Variants in BPIFB2 observed in about 807,000 individuals in gnomAD.
BPIFB2 encodes BPI fold containing family B member 2.
BPIFB2 carries 39 observed loss-of-function variants against 50.1 expected under a neutral mutation model. The ratio of observed to expected loss-of-function variants is 0.78; its 90% CI spans 0.60 to 1.02. BPIFB2 has a LOEUF of 1.02. BPIFB2 is among the 50% of genes least tolerant of loss of function. The pLI, the probability that BPIFB2 is intolerant of heterozygous loss-of-function variation, is 0.00. For missense variants in BPIFB2, 574 were observed against 585.8 expected (o/e 0.98, Z 0.21); for synonymous variants, 280 against 256.3 (o/e 1.09, Z -0.88).
chr20:33,014,060 C>T, intron 5 of BPIFB2, 104 bp downstream of exon 5: 2 of 1,407,768 alleles, frequency 1.4e-6, no homozygotes, highest in Non-Finnish European at 1.9e-6. Context: ...GCCACAAGGG[C>T]CTCAGGGGCC....
At chr20:33,019,816 GTCCCC>G in intron 11 of BPIFB2, 66 bp downstream of exon 11, 2 of 1,478,856 alleles carry the variant, frequency 1.4e-6, no homozygotes, top group Non-Finnish European at 1.8e-6. Flanking sequence ...CTGCTTCACT[GTCCCC>G]TCATCTTTGC....
Position 33,021,775 on chromosome 20 carries a change from C to T in BPIFB2, c.1311C>T (p.Val437=), listed in dbSNP as rs17124003. 478,373 of 1,612,744 alleles carry T rather than the reference C, an allele frequency of 0.3. 73,234 individuals carry two copies. Among genetic ancestry groups the T allele is most frequent in the African/African-American group, 0.46 (34,376 of 74,896 alleles). ...CTGGTGTGGTCAACCTCCACTATGT[C>T]GCCCCTGAGATCTTTGTCTATGAGG... ...ALPGVVNLHY[V]APEIFVYEGY... is the part of the protein sequence containing the mutation. Residue 437 remains valine (V), a synonymous_variant, in exon 15 of 16, where the codon GTC becomes GTT. Transcript: ENST00000170150.
At position 33,013,773 on chromosome 20, in the gene BPIFB2, G is replaced by A. The variant is rs772380640; in HGVS notation, c.309-37G>A. 4 of 1,599,810 alleles carry A rather than the reference G, an allele frequency of 2.5e-6. No individual in the cohort carries two copies. In the East Asian group the frequency reaches 9.0e-5, roughly 36 times the overall value. ...CATCAGTCATGGTGGGCTCTGCTGGGCGGTGCTGCTCGGGCTCAGGACTGG... is the reference window on the plus strand; with the variant it reads ...CATCAGTCATGGTGGGCTCTGCTGGACGGTGCTGCTCGGGCTCAGGACTGG... On this transcript the variant is annotated intron_variant, in intron 4 of 15. Transcript: ENST00000170150.
intron 4 of BPIFB2, among the ~76,000 whole-genome samples, 159 bp from the exon 5 acceptor site, chr20:33,013,651 G>A (rs1043201689): frequency 6.6e-6 from 1 of 152,212 alleles, no homozygotes; most frequent in African/African-American, 2.4e-5. Flanking sequence ...TGGGGGCTGT[G>A]GGCCTGCCCC....
chr20:33,015,383 C>T lies in BPIFB2; in HGVS notation c.456-53C>T, dbSNP rs1253897089. 2.6e-5 allele frequency: 40 copies of T among 1,516,506 alleles called. 1 individual carries two copies. Among genetic ancestry groups the T allele is most frequent in the South Asian group, 9.2e-5 (8 of 86,954 alleles). The allele number at this position is 1,516,506 out of a possible 1,614,324, so 93.9% of individuals were successfully genotyped here. On this transcript the variant is annotated intron_variant, in intron 5 of 15. Transcript: ENST00000170150. ...CCAGACGTGCGACTGTGCTGAGTGA[C>T]GGGACTTAATATGTTTGGGAGCCCA...
Position 33,023,516 on chromosome 20 carries a change from G to C in BPIFB2, c.*133G>C. ...ACAAGCTGGACTGCTTAGCTGGGCT[G>C]TTTTATCTTCCCTGAGTGCCTGGGT... is the stretch of plus-strand genomic sequence containing the variant. On this transcript the variant is annotated 3_prime_UTR_variant, in exon 16 of 16. Transcript: ENST00000170150. 1 of 1,064,126 alleles carries C rather than the reference G, an allele frequency of 9.4e-7. No homozygotes were observed. The allele number at this position is 1,064,126 out of a possible 1,614,324, so 65.9% of individuals were successfully genotyped here.
At chr20:33,013,986 G>C in intron 5 of BPIFB2, 30 bp downstream of exon 5, 1 of 1,599,202 alleles carries the variant, frequency 6.3e-7, no homozygotes, top group Non-Finnish European at 8.6e-7. Context: ...AGGGTCACAG[G>C]AATCCCAGAT....
At chr20:33,013,508 C>T (rs1435200028) in intron 4 of BPIFB2, among the ~76,000 whole-genome samples, 1 of 152,212 alleles carries the variant, frequency 6.6e-6, no homozygotes, top group Non-Finnish European at 1.5e-5. Context: ...ACCTTATGTC[C>T]ATTTTACAGA....
chr20:33,021,311 G>A lies in BPIFB2; in HGVS notation c.1225G>A (p.Val409Ile), dbSNP rs543901024. ...TCAGGTGCGCACACTGATGGGCACC[G>A]TTTTTGAGAAGCCCCTGCTGGACCA... ...TDQVRTLMGT[V>I]FEKPLLDHLN... Residue 409 changes from valine to isoleucine, a missense_variant, in exon 14 of 16, where the codon GTT becomes ATT. Val to Ile is a conservative substitution (Grantham distance 29). Transcript: ENST00000170150. 1.7e-4 allele frequency: 280 copies of A among 1,613,908 alleles called. 3 individuals carry two copies. In the South Asian group the frequency reaches 2.5e-3, roughly 15 times the overall value.
intron 6 of BPIFB2, 134 bp downstream of exon 6, chr20:33,015,630 C>G: frequency 1.0e-5 from 8 of 795,190 alleles, no homozygotes; most frequent in Non-Finnish European, 1.3e-5. Flanking sequence ...CCTTCATGGT[C>G]CCCATGAAGG....
At chr20:33,011,214 T>C in intron 3 of BPIFB2, 97 bp downstream of exon 3, 4 of 1,201,146 alleles carry the variant, frequency 3.3e-6, no homozygotes, top group Non-Finnish European at 4.8e-6. Context: ...CATGTGCTCC[T>C]GCCTGCTGGG....
intron 9 of BPIFB2, 45 bp downstream of exon 9, chr20:33,018,867 C>T (rs747151901): frequency 1.3e-6 from 2 of 1,587,990 alleles, no homozygotes; most frequent in East Asian, 4.5e-5. Flanking sequence ...GCAAGAGCTC[C>T]CTGTGGCCCA....
chr20:33,019,441 C>T, intron 10 of BPIFB2, 139 bp from the exon 11 acceptor site: 1 of 1,021,556 alleles, frequency 9.8e-7, no homozygotes, highest in Non-Finnish European at 1.4e-6. Flanking sequence ...GACCCACTGG[C>T]TTACACAGAG....
rs1179277051 is a variant in BPIFB2 at position 33,018,831 on chromosome 20, C to T, written c.855+9C>T. 1.2e-6 allele frequency: 2 copies of T among 1,607,390 alleles called. No individual in the cohort carries two copies. The highest frequency in any genetic ancestry group is 1.7e-6 in the Non-Finnish European group (2 of 1,177,022). On this transcript the variant is annotated intron_variant, in intron 9 of 15. Coordinates refer to ENST00000170150, the MANE Select transcript of BPIFB2 (RefSeq NM_025227.3). ...ACATCACAGGGCAGCTGGTGAGGGC[C>T]CGACCTGCAGCCCAGGGCCTGTGGG... is the stretch of plus-strand genomic sequence containing the variant.
chr20:33,010,081 C>T (rs1990264875), intron 2 of BPIFB2, among the ~76,000 whole-genome samples: 1 of 152,168 alleles, frequency 6.6e-6, no homozygotes, highest in Non-Finnish European at 1.5e-5. Context: ...CCTCAAGTTC[C>T]CACAGTGAGT....
intron 3 of BPIFB2, among the ~76,000 whole-genome samples, chr20:33,011,894 T>C (rs975672813): frequency 1.3e-5 from 2 of 152,036 alleles, no homozygotes; most frequent in Non-Finnish European, 2.9e-5. Flanking sequence ...TGGGAGAATC[T>C]CTTGAACCTG....
intron 10 of BPIFB2, 80 bp from the exon 11 acceptor site, chr20:33,019,500 A>G (rs1475463447): frequency 1.4e-6 from 2 of 1,431,314 alleles, no homozygotes; most frequent in Non-Finnish European, 1.9e-6. Context: ...TGGTGGCCCA[A>G]TCAGCATTTG....
intron 5 of BPIFB2, among the ~76,000 whole-genome samples, chr20:33,014,348 G>T (rs1459141702): frequency 6.6e-6 from 1 of 152,212 alleles, no homozygotes; most frequent in Non-Finnish European, 1.5e-5. Context: ...GCTCTCGCAG[G>T]CCAGGCCGCT....
rs11906601 is a variant in BPIFB2, at chr20:33,009,140, G to A, written c.109+457G>A. Reference sequence around the variant, plus strand: ...TTGCGTATGTGGTGTGTGCACGCACGTGTGTTCTTGGGAGAGGTCTGTCTA... The same window carrying A: ...TTGCGTATGTGGTGTGTGCACGCACATGTGTTCTTGGGAGAGGTCTGTCTA... On this transcript the variant is annotated intron_variant, in intron 2 of 15. Transcript: ENST00000170150. This position sits in a 1 kb window ranked among gnomAD's most constrained non-coding sequence, Gnocchi z 4.2. 0.054 allele frequency among the ~76,000 whole-genome samples: 8,285 copies of A among 152,250 alleles called. 761 individuals carry two copies. Among genetic ancestry groups the A allele is most frequent in the African/African-American group, 0.19 (7,749 of 41,502 alleles).
Sources: allele counts gnomAD v4.1 joint callset (sites outside exome capture counted in the v4.1 genomes callset), GRCh38; gene constraint gnomAD v4.1.1; non-coding constraint Gnocchi (gnomAD v3.1); transcripts MANE v1.5; gene names NCBI Gene and HGNC (gene_info 2026-07-23, HGNC 2026-07-21).